The following TCF7 variants were observed in gnomAD, a reference collection of about 807,000 sequenced individuals.
TCF7 encodes the protein T-cell-factor-7.
Under a neutral mutation model 46.8 loss-of-function variants are expected in TCF7, and 19 were observed. The observed-to-expected ratio is 0.41, with a 90% CI of 0.28 to 0.60. The LOEUF is 0.60. Ranked by LOEUF, TCF7 falls within the 20% of genes least tolerant of loss-of-function variation. The pLI is 0.35. For missense variants in TCF7, 547 were observed against 504.6 expected, an observed-to-expected ratio of 1.08 and a Z score of -0.81; for synonymous variants, 245 against 213.4, an observed-to-expected ratio of 1.15 and a Z score of -1.29.
At chr5:134,118,524 A>C (rs905048572) in intron 3 of TCF7, among the ~76,000 whole-genome samples, 7 of 152,166 alleles carry the variant, frequency 4.6e-5, no homozygotes, top group African/African-American at 1.7e-4. Context: ...GAGACCTCAA[A>C]ACAGGCCAGC....
intron 3 of TCF7, among the ~76,000 whole-genome samples, chr5:134,116,968 C>T (rs1755922452): frequency 6.6e-6 from 1 of 152,204 alleles, no homozygotes; most frequent in African/African-American, 2.4e-5. Flanking sequence ...CGCATGGCTA[C>T]AGTGGGGTCA....
intron 3 of TCF7, among the ~76,000 whole-genome samples, chr5:134,130,806 A>G (rs1175598420): frequency 6.6e-6 from 1 of 151,990 alleles, no homozygotes; most frequent in Non-Finnish European, 1.5e-5. Context: ...TTTTCCCTAA[A>G]CACTGGCTTA....
rs1449722903 is a variant in TCF7, at chr5:134,146,757, TATGGCTGCCTGC to T, written c.*457_*468del. ...TCTAATTAAGGGAATCCCTTGTACC[TATGGCTGCCTGC>T]ATCTATTCTTTGTACCATCTGTCTT... On this transcript the variant is annotated 3_prime_UTR_variant, in exon 10 of 10. Coordinates refer to ENST00000342854, the MANE Select transcript of TCF7 (RefSeq NM_003202.5). 18 of 553,786 alleles carry T rather than the reference TATGGCTGCCTGC, an allele frequency of 3.3e-5. No homozygotes were observed. The highest frequency in any genetic ancestry group is 5.4e-5 in the Non-Finnish European group (17 of 315,906). The allele number at this position is 553,786 out of a possible 1,614,324, so 34.3% of individuals were successfully genotyped here.
At chr5:134,116,063 T>C (rs1561647244) in intron 3 of TCF7, 30 bp downstream of exon 3, 2 of 1,595,772 alleles carry the variant, frequency 1.3e-6, no homozygotes, top group Non-Finnish European at 1.7e-6. Flanking sequence ...AGTGCCGCCC[T>C]GTGCTTGCAG....
chr5:134,144,416 G>T (rs1302813151), intron 9 of TCF7: 4 of 264,464 alleles, frequency 1.5e-5, no homozygotes, highest in Non-Finnish European at 2.9e-5. Flanking sequence ...AATGGGTAGG[G>T]AGTTGGGGAG....
intron 3 of TCF7, among the ~76,000 whole-genome samples, chr5:134,124,437 G>T (rs1179786829): frequency 1.3e-5 from 2 of 152,162 alleles, no homozygotes; most frequent in Non-Finnish European, 2.9e-5. Flanking sequence ...AGTTCCCCAG[G>T]GAGTAGAGGG....
In TCF7 at chr5:134,141,976, T is replaced by C. The variant is rs568295594; in HGVS notation, c.636-209T>C. The stretch of plus-strand genomic sequence containing the variant: ...TATGTAGTAACCATCTGAATGGCAA[T>C]CTATGTAGATTTTTGCAGTGTGTCT... On this transcript the variant is annotated intron_variant, in intron 5 of 9. Transcript: ENST00000342854. 1.2e-3 allele frequency: 661 copies of C among 534,654 alleles called. 1 individual carries two copies. The highest frequency in any genetic ancestry group is 1.6e-3 in the Non-Finnish European group (528 of 327,016). 33.1% of individuals were successfully genotyped at this position (534,654 alleles called of 1,614,324 possible).
chr5:134,109,916 C>T (rs1755308940), upstream of TCF7, among the ~76,000 whole-genome samples: 3 of 152,316 alleles, frequency 2.0e-5, no homozygotes, highest in South Asian at 6.2e-4. Flanking sequence ...CACTCCCGAC[C>T]CCTTGGACAA....
intron 3 of TCF7, among the ~76,000 whole-genome samples, chr5:134,121,998 C>T (rs1756660721): frequency 6.6e-6 from 1 of 152,162 alleles, no homozygotes; most frequent in African/African-American, 2.4e-5. Flanking sequence ...GTGGGCAGTG[C>T]GACTGTGAGC....
At chr5:134,144,589 T>G in intron 9 of TCF7, 1 of 573,342 alleles carries the variant, frequency 1.7e-6, no homozygotes, top group Admixed American at 3.0e-5. Flanking sequence ...CGTACCTGGG[T>G]GCCCACCTTT....
At chr5:134,143,282 C>A in intron 8 of TCF7, 182 bp downstream of exon 8, 1 of 756,752 alleles carries the variant, frequency 1.3e-6, no homozygotes, top group Non-Finnish European at 2.3e-6. Context: ...ATCCTATTCT[C>A]CACTCCAGAA....
At chr5:134,116,466 C>T (rs761707444) in intron 3 of TCF7, among the ~76,000 whole-genome samples, 2 of 152,272 alleles carry the variant, frequency 1.3e-5, no homozygotes, top group Non-Finnish European at 2.9e-5. Flanking sequence ...GAAAGCTGAT[C>T]TGTTCAGGTC....
the TCF7 span, among the ~76,000 whole-genome samples, chr5:134,109,311 C>T: frequency 5.6e-4 from 85 of 152,320 alleles, no homozygotes; most frequent in Middle Eastern, 6.8e-3. Context: ...GCTGTCTCCC[C>T]AGGCCACATA....
the TCF7 span, among the ~76,000 whole-genome samples, chr5:134,109,517 C>A: frequency 6.6e-6 from 1 of 152,112 alleles, no homozygotes; most frequent in African/African-American, 2.4e-5. Context: ...CGCTTGTAAT[C>A]CCAGCACTTT....
intron 3 of TCF7, among the ~76,000 whole-genome samples, chr5:134,127,858 A>G (rs552913511): frequency 6.6e-6 from 1 of 152,348 alleles, no homozygotes; most frequent in East Asian, 1.9e-4. Context: ...CGTTCCTGAA[A>G]AGCCTTTGTC....
At chr5:134,146,142 T>C in intron 9 of TCF7, 82 bp from the exon 10 acceptor site, 1 of 1,613,502 alleles carries the variant, frequency 6.2e-7, no homozygotes, top group Non-Finnish European at 8.5e-7. Flanking sequence ...GCCAGGCCTG[T>C]GCAAAGGCAG....
At chr5:134,115,557 CGAGTCACTTCCGGT>C in intron 2 of TCF7, 170 bp downstream of exon 2, 1 of 1,439,810 alleles carries the variant, frequency 6.9e-7, no homozygotes, top group Non-Finnish European at 9.1e-7. Flanking sequence ...GCCGCCGGGT[CGAGTCACTTCCGGT>C]GCCCTGACCT....
chr5:134,140,886 C>G (rs1306918816), intron 5 of TCF7: 1 of 432,424 alleles, frequency 2.3e-6, no homozygotes, highest in Admixed American at 2.5e-5. Context: ...CCCCCTACCC[C>G]AGGTGAGTCC....
chr5:134,118,365 C>T (rs956412148), intron 3 of TCF7, among the ~76,000 whole-genome samples: 5 of 152,220 alleles, frequency 3.3e-5, no homozygotes, highest in African/African-American at 7.2e-5. Flanking sequence ...GCCCTTTGCC[C>T]GGCCCTCTCT....
Sources: gnomAD v4.1 joint callset for allele counts (sites outside exome capture counted in the v4.1 genomes callset) on GRCh38, gnomAD v4.1.1 for gene constraint, MANE v1.5 for transcripts, NCBI Gene and HGNC (gene_info 2026-07-23, HGNC 2026-07-21) for gene names.